RNFT2: variants seen among roughly 807,000 people sequenced by gnomAD.
The protein encoded by RNFT2 is ring finger protein, transmembrane 2, also known as E3 ubiquitin-protein ligase RNFT2.
RNFT2 carries 36 observed loss-of-function variants against 53.0 expected under a neutral mutation model. The observed-to-expected ratio is 0.68, with a 90% CI of 0.52 to 0.90. The LOEUF (loss-of-function observed/expected upper bound fraction) is 0.90. RNFT2 is among the 40% of genes least tolerant of loss of function. The probability of loss-of-function intolerance (pLI) is 0.00; values close to 1 mark genes in which losing one functional copy is unlikely to be tolerated. For synonymous variants in RNFT2, 260 were observed against 253.2 expected, an observed-to-expected ratio of 1.03 and a Z score of -0.26; for missense variants, 514 against 585.6, an observed-to-expected ratio of 0.88 and a Z score of 1.26.
At chr12:116,815,035 C>G (rs1302072032) in intron 7 of RNFT2, among the ~76,000 whole-genome samples, 1 of 152,212 alleles carries the variant, frequency 6.6e-6, no homozygotes, top group African/African-American at 2.4e-5. Context: ...GGCGCCCAGC[C>G]GAGATTCTTA....
At chr12:116,769,320 T>C (rs573756682) in intron 6 of RNFT2, among the ~76,000 whole-genome samples, 1 of 152,304 alleles carries the variant, frequency 6.6e-6, no homozygotes, top group Admixed American at 6.5e-5. Flanking sequence ...ATCACGCCAC[T>C]GCACTCCAGA....
At chr12:116,839,425 GTGGA>G (rs148543249) in intron 10 of RNFT2, among the ~76,000 whole-genome samples, 83,329 of 110,868 alleles carry the variant, frequency 0.75, 30,822 homozygotes, top group Admixed American at 0.8. Flanking sequence ...GGGTGGGTGG[GTGGA>G]TGGATGGATG....
In RNFT2 at chr12:116,805,245, A is replaced by G. The variant is rs141915909; in HGVS notation, c.882+25897A>G. ...GATGTTTGATTTTTCTTTGCCTAAC[A>G]GAGGTAATAGCGGGCAGTTCTCTCT... On this transcript the variant is annotated intron_variant, in intron 7 of 10. Coordinates refer to ENST00000257575, the MANE Select transcript of RNFT2 (RefSeq NM_001382266.1). Among the ~76,000 whole-genome samples the G allele has an allele frequency of 3.0e-3, 449 of 151,834 alleles. 4 individuals carry two copies. Among genetic ancestry groups the G allele is most frequent in the African/African-American group, 9.8e-3 (404 of 41,414 alleles).
At chr12:116,839,494 G>A (rs911478800) in intron 10 of RNFT2, among the ~76,000 whole-genome samples, 12 of 151,826 alleles carry the variant, frequency 7.9e-5, no homozygotes, top group Non-Finnish European at 1.5e-4. Context: ...AGGTGGAGAA[G>A]TTGGTGGGTG....
chr12:116,802,261 C>G (rs1874835590), intron 7 of RNFT2, among the ~76,000 whole-genome samples: 1 of 152,218 alleles, frequency 6.6e-6, no homozygotes, highest in South Asian at 2.1e-4. Flanking sequence ...TTTGTTTTCT[C>G]TGACACATTT....
chr12:116,753,864 C>T (rs1479556484), intron 4 of RNFT2, 120 bp from the exon 5 acceptor site: 8 of 701,708 alleles, frequency 1.1e-5, no homozygotes, highest in African/African-American at 9.1e-5. Context: ...TTTTATTTTT[C>T]TCTCTCTTCT....
At chr12:116,841,962 G>T (rs12313741) in intron 10 of RNFT2, among the ~76,000 whole-genome samples, 362 of 3,492 alleles carry the variant, frequency 0.1, 15 homozygotes, top group South Asian at 0.22. Context: ...TATATATAGA[G>T]AGAGAGAGAG....
chr12:116,851,863 C>G lies in RNFT2; in HGVS notation c.*2415C>G. 1.3e-6 allele frequency: 2 copies of G among 1,525,462 alleles called. No individual in the cohort carries two copies. 94.5% of individuals were successfully genotyped at this position (1,525,462 alleles called of 1,614,324 possible). A position where few individuals can be genotyped will look rare whatever the true frequency, so the allele number is the denominator to read the frequency against. ...TGGTCTCCTGTCTTTATGTCTTTCT[C>G]CTCTTCCTATTCTGTCATCTCCCTC... On this transcript the variant is annotated 3_prime_UTR_variant, in exon 11 of 11. Coordinates refer to ENST00000257575, the MANE Select transcript of RNFT2 (RefSeq NM_001382266.1).
At chr12:116,841,641 G>A (rs949431520) in intron 10 of RNFT2, among the ~76,000 whole-genome samples, 6 of 148,692 alleles carry the variant, frequency 4.0e-5, no homozygotes, top group Admixed American at 1.4e-4. Flanking sequence ...CCAGCTACTC[G>A]GGAGTCTAGG....
At chr12:116,810,360 G>A (rs1202942945) in intron 7 of RNFT2, among the ~76,000 whole-genome samples, 4 of 152,208 alleles carry the variant, frequency 2.6e-5, no homozygotes, top group Non-Finnish European at 4.4e-5. Flanking sequence ...CAGCCATGGT[G>A]TGGAAGTGGA....
At chr12:116,835,849 A>C (rs1876931713) in intron 8 of RNFT2, 111 bp from the exon 9 acceptor site, 2 of 1,091,386 alleles carry the variant, frequency 1.8e-6, no homozygotes, top group Non-Finnish European at 2.8e-6. Flanking sequence ...AGCCCTAAAA[A>C]TGTTCTGAGT....
At chr12:116,766,791 C>T (rs756356494) in intron 5 of RNFT2, 23 bp from the exon 6 acceptor site, 4 of 1,550,118 alleles carry the variant, frequency 2.6e-6, no homozygotes, top group East Asian at 2.3e-5. Flanking sequence ...TTTGATATCA[C>T]ATATCTCTTG....
chr12:116,817,181 T>C (rs568743789), intron 7 of RNFT2, among the ~76,000 whole-genome samples: 1 of 152,262 alleles, frequency 6.6e-6, no homozygotes, highest in East Asian at 1.9e-4. Flanking sequence ...GCCGACTAAT[T>C]TTTGTATTTT....
At chr12:116,746,721 C>A (rs888718979) in intron 3 of RNFT2, among the ~76,000 whole-genome samples, 1 of 152,092 alleles carries the variant, frequency 6.6e-6, no homozygotes, top group African/African-American at 2.4e-5. Flanking sequence ...TCTCTCTGAG[C>A]CTCAGTTTGT....
intron 6 of RNFT2, among the ~76,000 whole-genome samples, chr12:116,775,634 T>G (rs1873400969): frequency 6.6e-6 from 1 of 152,256 alleles, no homozygotes. Context: ...CATTCTTCCC[T>G]TATCTGCCTG....
At chr12:116,765,783 G>A (rs376533510) in intron 5 of RNFT2, among the ~76,000 whole-genome samples, 2 of 152,130 alleles carry the variant, frequency 1.3e-5, no homozygotes, top group African/African-American at 4.8e-5. Flanking sequence ...TGAGAATTAG[G>A]TATATAAGCT....
chr12:116,828,792 G>A (rs1237203641), intron 7 of RNFT2, among the ~76,000 whole-genome samples: 1 of 152,090 alleles, frequency 6.6e-6, no homozygotes, highest in Non-Finnish European at 1.5e-5. Flanking sequence ...GAAAGGTAAG[G>A]AAGGAAGGAA....
intron 6 of RNFT2, among the ~76,000 whole-genome samples, chr12:116,770,105 A>G (rs1873108721): frequency 6.6e-6 from 1 of 152,118 alleles, no homozygotes; most frequent in Admixed American, 6.6e-5. Context: ...GTGTATAGTC[A>G]TGTCCTAGGC....
chr12:116,782,624 A>G (rs1170061958), intron 7 of RNFT2, among the ~76,000 whole-genome samples: 1 of 152,152 alleles, frequency 6.6e-6, no homozygotes, highest in Non-Finnish European at 1.5e-5. Context: ...TCCCTGCCAC[A>G]CCTGATTTCC....
Sources: gnomAD v4.1 joint callset for allele counts (sites outside exome capture counted in the v4.1 genomes callset) on GRCh38, gnomAD v4.1.1 for gene constraint, MANE v1.5 for transcripts, NCBI Gene and HGNC (gene_info 2026-07-23, HGNC 2026-07-21) for gene names.